Variants in CSNK2A1 observed in about 807,000 individuals in gnomAD.
CSNK2A1 encodes casein kinase 2 alpha 1, also known as casein kinase II subunit alpha.
CSNK2A1 carries 10 observed loss-of-function variants against 62.9 expected under a neutral mutation model. The ratio of observed to expected loss-of-function variants is 0.16; its 90% confidence interval spans 0.10 to 0.27. CSNK2A1 has a LOEUF of 0.27. Among genes scored for constraint, CSNK2A1 ranks in the 10% least tolerant of loss-of-function variants. The pLI is 1.00. For synonymous variants in CSNK2A1, 124 were observed against 167.8 expected (o/e 0.74, Z 2.02); for missense variants, 160 against 492.0 (o/e 0.33, Z 6.38).
intron 1 of CSNK2A1, among the ~76,000 whole-genome samples, chr20:534,932 G>T (rs780797164): frequency 1.8e-4 from 27 of 151,144 alleles, no homozygotes; most frequent in Admixed American, 8.6e-4. Flanking sequence ...TACTTGGGAG[G>T]CTGAGGCAGG....
intron 1 of CSNK2A1, among the ~76,000 whole-genome samples, chr20:532,773 A>G (rs1367791234): frequency 6.6e-6 from 1 of 152,144 alleles, no homozygotes; most frequent in African/African-American, 2.4e-5. Context: ...AGAGATACGC[A>G]ATCACCTTTT....
intron 2 of CSNK2A1, among the ~76,000 whole-genome samples, chr20:514,345 A>AAAAC (rs376182205): frequency 0.015 from 2,238 of 151,960 alleles, 75 homozygotes; most frequent in African/African-American, 0.051. Flanking sequence ...CCCTGTCTCA[A>AAAAC]AAACAAACAA....
intron 1 of CSNK2A1, among the ~76,000 whole-genome samples, chr20:529,847 CTGA>C (rs2019174825): frequency 1.3e-5 from 2 of 152,178 alleles, no homozygotes; most frequent in South Asian, 4.1e-4. Context: ...TGTGTTCCAA[CTGA>C]TGATAATCAG....
In CSNK2A1 at chr20:483,959, C is replaced by T. The variant is rs142948288; in HGVS notation, c.*2G>A. 1,042 of 1,610,634 alleles carry T rather than the reference C, an allele frequency of 6.5e-4. 1 individual carries two copies. Among genetic ancestry groups the T allele is most frequent in the Middle Eastern group, 8.6e-4 (5 of 5,818 alleles). ...TCAGGCATCAGGAGACAGATAGGGC[C>T]GTTACTGCTGAGCGCCAGCGGCAGC... On this transcript the variant is annotated 3_prime_UTR_variant, in exon 14 of 14. Coordinates refer to ENST00000217244, the MANE Select transcript of CSNK2A1 (RefSeq NM_177559.3).
chr20:502,648 G>A (rs532963328), intron 4 of CSNK2A1: 7 of 152,126 alleles, frequency 4.6e-5, no homozygotes, highest in Non-Finnish European at 1.0e-4. Flanking sequence ...AGACTGAGCT[G>A]AAAAAAATCT....
At chr20:498,614 A>G (rs1267631713) in intron 6 of CSNK2A1, 6 of 152,218 alleles carry the variant, frequency 3.9e-5, no homozygotes, top group Admixed American at 3.9e-4. Flanking sequence ...TCTCTGCAAC[A>G]GAATTCACTA....
chr20:478,787 A>G lies in CSNK2A1; in HGVS notation c.*5174T>C. ...TACCAAAAAAAAAAAAAAAAAAATTAGCCAAGCATGATGGCTCGTGCCTGT... is the reference window on the plus strand; with the variant it reads ...TACCAAAAAAAAAAAAAAAAAAATTGGCCAAGCATGATGGCTCGTGCCTGT... On this transcript the variant is annotated 3_prime_UTR_variant, in exon 14 of 14. Coordinates refer to ENST00000217244, the MANE Select transcript of CSNK2A1 (RefSeq NM_177559.3). 2 of 303,092 alleles carry G rather than the reference A, an allele frequency of 6.6e-6. No homozygotes were observed. Among genetic ancestry groups the G allele is most frequent in the South Asian group, 4.8e-5 (2 of 41,650 alleles). The allele number at this position is 303,092 out of a possible 1,614,324, so 18.8% of individuals were successfully genotyped here. A position where few individuals can be genotyped will look rare whatever the true frequency, so the allele number is the denominator to read the frequency against.
In CSNK2A1 at chr20:489,864, C is replaced by G; in HGVS notation, c.639G>C (p.Leu213Phe). 1 of 1,612,194 alleles carries G rather than the reference C, an allele frequency of 6.2e-7. No individual in the cohort carries two copies. The change falls in exon 10 of 14, where the codon TTG becomes TTC. Residue 213 changes from leucine to phenylalanine, a missense_variant. Leu to Phe is a conservative substitution (Grantham distance 22). Coordinates refer to ENST00000217244, the MANE Select transcript of CSNK2A1 (RefSeq NM_177559.3). ...LVDYQMYDYS[L>F]DMWSLGCMLA... Reference sequence around the variant, plus strand: ...GCATACAACCCAAACTCCACATATCCAAACTATAATCGTACATCTGCATAA... The same window carrying G: ...GCATACAACCCAAACTCCACATATCGAAACTATAATCGTACATCTGCATAA...
At chr20:537,109 TA>T (rs2019349240) in intron 1 of CSNK2A1, among the ~76,000 whole-genome samples, 1 of 152,090 alleles carries the variant, frequency 6.6e-6, no homozygotes, top group Admixed American at 6.6e-5. Context: ...CCAAGCAAAT[TA>T]AAATGTTTCA....
chr20:538,160 G>C (rs992731055), intron 1 of CSNK2A1, among the ~76,000 whole-genome samples: 6 of 152,228 alleles, frequency 3.9e-5, no homozygotes, highest in African/African-American at 1.4e-4. Context: ...ATGTTGGCCA[G>C]GCTGGTCTTG....
chr20:503,264 C>G (rs1170906718), intron 4 of CSNK2A1: 1 of 376,306 alleles, frequency 2.7e-6, no homozygotes, highest in Admixed American at 4.6e-5. Flanking sequence ...CCCACTTTAG[C>G]CCCTCGAGGA....
rs186441540 is a variant in CSNK2A1 at position 505,584 on chromosome 20, G to A, written c.102-355C>T. Among the ~76,000 whole-genome samples, 956 of 151,262 alleles carry A rather than the reference G, an allele frequency of 6.3e-3. 15 individuals carry two copies. Among genetic ancestry groups the A allele is most frequent in the African/African-American group, 0.022 (906 of 41,248 alleles). ...TCACCGTGTTAACCAGGATGGTCTC[G>A]ATCTCCTGACCTCGTGATTCGTCCG... On this transcript the variant is annotated intron_variant, in intron 3 of 13. Coordinates refer to ENST00000217244, the MANE Select transcript of CSNK2A1 (RefSeq NM_177559.3).
chr20:520,168 T>C (rs903183992), intron 2 of CSNK2A1, among the ~76,000 whole-genome samples: 4 of 152,002 alleles, frequency 2.6e-5, no homozygotes, highest in Non-Finnish European at 5.9e-5. Context: ...TGGAATATGA[T>C]TAATTATATT....
rs397865226 is a variant in CSNK2A1, at chr20:475,460, CAAAA to C, written c.*8497_*8500del. On this transcript the variant is annotated 3_prime_UTR_variant, in exon 14 of 14. Transcript: ENST00000217244. ...GGGTGACAGAGTTAAGACTCTGACTCAAAAAAAAAAAAAAAAAGTTGGTGTAATC... is the reference window on the plus strand; with the variant it reads ...GGGTGACAGAGTTAAGACTCTGACTCAAAAAAAAAAAAAGTTGGTGTAATC... 4 of 117,674 alleles carry C rather than the reference CAAAA, an allele frequency of 3.4e-5. No homozygotes were observed. Among genetic ancestry groups the C allele is most frequent in the Non-Finnish European group, 5.7e-5 (3 of 52,872 alleles). 7.3% of individuals were successfully genotyped at this position (117,674 alleles called of 1,614,324 possible).
chr20:520,054 CAGAAAGA>C, intron 2 of CSNK2A1, among the ~76,000 whole-genome samples: 1 of 151,480 alleles, frequency 6.6e-6, no homozygotes, highest in Non-Finnish European at 1.5e-5. Flanking sequence ...ATTTCCAAAC[CAGAAAGA>C]GGGAAAAGTA....
At chr20:529,580 C>T (rs1389720983) in intron 1 of CSNK2A1, among the ~76,000 whole-genome samples, 9 of 152,078 alleles carry the variant, frequency 5.9e-5, no homozygotes, top group Admixed American at 5.9e-4. Context: ...CAATGTGAAG[C>T]TGTAAAGTGC....
intron 1 of CSNK2A1, among the ~76,000 whole-genome samples, chr20:532,971 T>C (rs762361468): frequency 2.6e-5 from 4 of 152,208 alleles, no homozygotes; most frequent in South Asian, 2.1e-4. Context: ...AATGAAGTTA[T>C]TGTTTTTTTT....
chr20:481,648 A>G lies in CSNK2A1; in HGVS notation c.*2313T>C, dbSNP rs1260056459. ...CACCTTCGGTTTATTCCAAGGTCTG[A>G]TGGGTGTAAGGAGGTCCAGCTGTCT... is the stretch of plus-strand genomic sequence containing the variant. On this transcript the variant is annotated 3_prime_UTR_variant, in exon 14 of 14. Transcript: ENST00000217244. 2 of 151,802 alleles carry G rather than the reference A, an allele frequency of 1.3e-5. No individual in the cohort carries two copies. The highest frequency in any genetic ancestry group is 1.5e-5 in the Non-Finnish European group (1 of 67,998). 9.4% of individuals were successfully genotyped at this position (151,802 alleles called of 1,614,324 possible). A position where few individuals can be genotyped will look rare whatever the true frequency, so the allele number is the denominator to read the frequency against.
chr20:529,831 G>C (rs1307314789), intron 1 of CSNK2A1, among the ~76,000 whole-genome samples: 5 of 152,224 alleles, frequency 3.3e-5, no homozygotes, highest in Non-Finnish European at 1.5e-5. Flanking sequence ...GACATCAACA[G>C]AAAACTGTGT....
Sources: gnomAD v4.1 joint callset for allele counts (sites outside exome capture counted in the v4.1 genomes callset) on GRCh38, gnomAD v4.1.1 for gene constraint, MANE v1.5 for transcripts, NCBI Gene and HGNC (gene_info 2026-07-23, HGNC 2026-07-21) for gene names.